The following SPTLC1 variants were observed in gnomAD, a reference collection of about 807,000 sequenced individuals.
SPTLC1 encodes serine palmitoyltransferase long chain base subunit 1.
A neutral mutation model predicts 68.9 loss-of-function variants in SPTLC1; 55 were observed. The observed-to-expected ratio is 0.80, with a 90% confidence interval of 0.64 to 1.00. The LOEUF is 1.00. Among genes scored for constraint, SPTLC1 ranks in the 50% least tolerant of loss-of-function variants. SPTLC1 has a pLI of 0.00. For missense variants in SPTLC1, 449 were observed against 573.1 expected, an observed-to-expected ratio of 0.78 and a Z score of 2.21; for synonymous variants, 197 against 201.6, an observed-to-expected ratio of 0.98 and a Z score of 0.19.
intron 3 of SPTLC1, among the ~76,000 whole-genome samples, chr9:92,086,130 G>A (rs201945046): frequency 6.6e-6 from 1 of 151,484 alleles, no homozygotes; most frequent in East Asian, 1.9e-4. Flanking sequence ...TTGAGCCTAT[G>A]TGTGTCTCTG....
chr9:92,061,963 T>C (rs1834121747), intron 6 of SPTLC1, among the ~76,000 whole-genome samples: 1 of 152,178 alleles, frequency 6.6e-6, no homozygotes, highest in Non-Finnish European at 1.5e-5. Flanking sequence ...AATGGCAGAC[T>C]TTGTTTTAAC....
Position 92,032,014 on chromosome 9 carries a change from C to T in SPTLC1, c.*451G>A, listed in dbSNP as rs868416931. ...AGATCTTCAATATAAATTTGTACCACATATGTTGAAGTGTTCCTCTTAGCT... is the reference window on the plus strand; with the variant it reads ...AGATCTTCAATATAAATTTGTACCATATATGTTGAAGTGTTCCTCTTAGCT... On this transcript the variant is annotated 3_prime_UTR_variant, in exon 15 of 15. Coordinates refer to ENST00000262554, the MANE Select transcript of SPTLC1 (RefSeq NM_006415.4). The T allele has an allele frequency of 5.3e-6, 2 of 377,886 alleles. No individual in the cohort carries two copies. Among genetic ancestry groups the T allele is most frequent in the Non-Finnish European group, 4.7e-6 (1 of 212,470 alleles). The allele number at this position is 377,886 out of a possible 1,614,324, so 23.4% of individuals were successfully genotyped here.
intron 5 of SPTLC1, among the ~76,000 whole-genome samples, chr9:92,077,633 C>T (rs566535815): frequency 6.6e-6 from 1 of 152,352 alleles, no homozygotes; most frequent in South Asian, 2.1e-4. Flanking sequence ...TAGGCCTTTA[C>T]ACAGTCACCC....
At chr9:92,100,211 T>C (rs1835698504) in intron 3 of SPTLC1, among the ~76,000 whole-genome samples, 1 of 152,048 alleles carries the variant, frequency 6.6e-6, no homozygotes, top group Admixed American at 6.5e-5. Context: ...GGTCAGGAGT[T>C]TGAGACCAGC....
chr9:92,032,590 T>A lies in SPTLC1; in HGVS notation c.1329-32A>T, dbSNP rs774514673. 4 of 1,612,974 alleles carry A rather than the reference T, an allele frequency of 2.5e-6. No homozygotes were observed. The African/African-American group carries it at 5.4e-5, about 22-fold the overall frequency. On this transcript the variant is annotated intron_variant, in intron 14 of 14. Coordinates refer to ENST00000262554, the MANE Select transcript of SPTLC1 (RefSeq NM_006415.4). ...ACAGTAAAGGACACAAAGAATTATC[T>A]TTGTGGGCCAGGCGCAGTGGCTCAC...
chr9:92,083,248 G>C (rs932269610), intron 3 of SPTLC1, among the ~76,000 whole-genome samples: 4 of 152,158 alleles, frequency 2.6e-5, no homozygotes, highest in Non-Finnish European at 5.9e-5. Context: ...AGTTTAATTA[G>C]ATCCCATTTG....
chr9:92,060,085 C>T (rs1414196277), intron 6 of SPTLC1, among the ~76,000 whole-genome samples: 1 of 152,100 alleles, frequency 6.6e-6, no homozygotes, highest in African/African-American at 2.4e-5. Flanking sequence ...ATTAGCATCA[C>T]CCAGCAGCAA....
At chr9:92,079,667 G>T in intron 5 of SPTLC1, 3 of 1,058,082 alleles carry the variant, frequency 2.8e-6, no homozygotes, top group Non-Finnish European at 4.4e-6. Flanking sequence ...CCCCTGCGTG[G>T]CTAGTCATGG....
At chr9:92,071,784 A>G (rs1834501401) in intron 5 of SPTLC1, among the ~76,000 whole-genome samples, 1 of 152,226 alleles carries the variant, frequency 6.6e-6, no homozygotes, top group Non-Finnish European at 1.5e-5. Context: ...AAACCACAAA[A>G]GAAGAAAAAC....
At chr9:92,056,812 G>A (rs925453041) in intron 7 of SPTLC1, among the ~76,000 whole-genome samples, 4 of 145,906 alleles carry the variant, frequency 2.7e-5, no homozygotes, top group African/African-American at 1.1e-4. Context: ...AGTTTGTTGA[G>A]GAATAAAAAG....
chr9:92,111,309 C>T (rs1332631400), intron 2 of SPTLC1: 2 of 152,184 alleles, frequency 1.3e-5, no homozygotes, highest in African/African-American at 4.8e-5. Flanking sequence ...ACTTATTTTA[C>T]ACACTAGTAG....
intron 5 of SPTLC1, among the ~76,000 whole-genome samples, chr9:92,075,524 G>C (rs1412745855): frequency 6.6e-6 from 1 of 152,170 alleles, no homozygotes; most frequent in Non-Finnish European, 1.5e-5. Flanking sequence ...ACGCAGGGCT[G>C]CGCTGTAGGA....
chr9:92,087,226 G>A (rs566033316), intron 3 of SPTLC1, among the ~76,000 whole-genome samples: 66 of 152,298 alleles, frequency 4.3e-4, no homozygotes, highest in African/African-American at 1.4e-3. Flanking sequence ...ATCGTCTGAA[G>A]CCTTCTTCTC....
intron 5 of SPTLC1, chr9:92,079,032 T>A: frequency 2.1e-6 from 2 of 964,310 alleles, no homozygotes; most frequent in Non-Finnish European, 2.5e-6. Context: ...TGTCATTTTA[T>A]AAGCCAAAAT....
chr9:92,032,871 G>A (rs1833019262), intron 14 of SPTLC1, among the ~76,000 whole-genome samples: 2 of 126,144 alleles, frequency 1.6e-5, no homozygotes, highest in African/African-American at 3.9e-5. Context: ...GTGAGACTCT[G>A]TCTCAAAAAA....
chr9:92,087,112 C>G (rs1835172635), intron 3 of SPTLC1, among the ~76,000 whole-genome samples: 1 of 152,092 alleles, frequency 6.6e-6, no homozygotes, highest in South Asian at 2.1e-4. Flanking sequence ...TTAAGCACTT[C>G]TCTGTATTGG....
intron 9 of SPTLC1, among the ~76,000 whole-genome samples, chr9:92,048,978 C>T (rs905042650): frequency 6.6e-6 from 1 of 152,126 alleles, no homozygotes; most frequent in African/African-American, 2.4e-5. Flanking sequence ...CAAGTTTTTT[C>T]CTCCATAAAA....
intron 12 of SPTLC1, among the ~76,000 whole-genome samples, chr9:92,041,170 C>T (rs990388931): frequency 2.0e-5 from 3 of 152,084 alleles, no homozygotes; most frequent in African/African-American, 7.2e-5. Flanking sequence ...AGAGGCAAAC[C>T]AGCATAGGAT....
chr9:92,050,702 T>G (rs1437719067), intron 8 of SPTLC1, among the ~76,000 whole-genome samples: 1 of 152,154 alleles, frequency 6.6e-6, no homozygotes, highest in African/African-American at 2.4e-5. Flanking sequence ...TATTTCTTAT[T>G]CCAGTGTTCA....
Sources: allele counts gnomAD v4.1 joint callset (sites outside exome capture counted in the v4.1 genomes callset), GRCh38; gene constraint gnomAD v4.1.1; transcripts MANE v1.5; gene names NCBI Gene and HGNC (gene_info 2026-07-23, HGNC 2026-07-21).